The following MED23 variants were observed in gnomAD, a reference collection of about 807,000 sequenced individuals.
The protein encoded by MED23 is mediator complex subunit 23, also known as mediator of RNA polymerase II transcription subunit 23.
In MED23, 105 loss-of-function variants were observed where a neutral mutation model predicts 163.9. The observed-to-expected ratio is 0.64, with a 90% CI of 0.55 to 0.75. The LOEUF (loss-of-function observed/expected upper bound fraction) is 0.75. Ranked by LOEUF, MED23 falls within the 30% of genes least tolerant of loss-of-function variation. The pLI, the probability that MED23 is intolerant of heterozygous loss-of-function variation, is 0.00. For missense variants in MED23, 1,054 were observed against 1,649.0 expected (o/e 0.64, Z 6.25); for synonymous variants, 561 against 565.6 (o/e 0.99, Z 0.12).
chr6:131,606,347 C>A (rs1775854329), intron 13 of MED23, 132 bp downstream of exon 13: 3 of 821,550 alleles, frequency 3.7e-6, no homozygotes, highest in Non-Finnish European at 4.0e-6. Context: ...ACATATACAT[C>A]AAGTATTTGC....
chr6:131,597,548 A>T (rs144964276), intron 20 of MED23, among the ~76,000 whole-genome samples: 3 of 152,100 alleles, frequency 2.0e-5, no homozygotes, highest in African/African-American at 7.2e-5. Context: ...AGAAGAAAAA[A>T]ACATTTGGGG....
intron 10 of MED23, among the ~76,000 whole-genome samples, chr6:131,614,230 A>G (rs1414335754): frequency 2.6e-5 from 4 of 152,200 alleles, no homozygotes; most frequent in Admixed American, 6.5e-5. Context: ...AATTTTTCAG[A>G]AGAAAAAACT....
Position 131,574,412 on chromosome 6 carries a change from A to G in MED23, c.4096-117T>C, listed in dbSNP as rs374041148. On this transcript the variant is annotated intron_variant, in intron 30 of 30. Coordinates refer to the MED23 transcript ENST00000354577. ...CCAAAAGTCTCTCCCAAACACAGGG[A>G]CATTTTGCTGACACAGAAATGTTCC... 53 of 1,162,688 alleles carry G rather than the reference A, an allele frequency of 4.6e-5. No individual in the cohort carries two copies. The East Asian group carries it at 6.6e-4, about 14-fold the overall frequency. The allele number at this position is 1,162,688 out of a possible 1,614,324, so 72.0% of individuals were successfully genotyped here.
intron 18 of MED23, among the ~76,000 whole-genome samples, 173 bp downstream of exon 18, chr6:131,599,865 T>C (rs1050762585): frequency 2.0e-5 from 3 of 152,058 alleles, no homozygotes; most frequent in African/African-American, 7.2e-5. Flanking sequence ...TGCCTCAGCC[T>C]CTCAAGCAGT....
chr6:131,588,316 G>T (rs995015968), intron 28 of MED23, among the ~76,000 whole-genome samples: 1 of 151,946 alleles, frequency 6.6e-6, no homozygotes, highest in Non-Finnish European at 1.5e-5. Flanking sequence ...AAACTATTTT[G>T]GTTTTGATTT....
At chr6:131,616,567 C>T (rs1015436084) in intron 9 of MED23, among the ~76,000 whole-genome samples, 2 of 152,000 alleles carry the variant, frequency 1.3e-5, no homozygotes, top group East Asian at 3.9e-4. Flanking sequence ...GCCTGTAATC[C>T]CAGCACTTTG....
intron 14 of MED23, among the ~76,000 whole-genome samples, 173 bp downstream of exon 14, chr6:131,605,067 C>A (rs139282300): frequency 1.6e-4 from 25 of 152,190 alleles, no homozygotes; most frequent in African/African-American, 5.5e-4. Flanking sequence ...GTTTGTTTAT[C>A]CTAGAATTCC....
chr6:131,628,090 C>G lies in MED23; in HGVS notation c.-41G>C, dbSNP rs749606684. ...CGCCTTTCCAGGGTGCCCGGCAAGG[C>G]CCGGATCAGACTCGAGCTCTGGGAA... On this transcript the variant is annotated 5_prime_UTR_variant, in exon 1 of 29. Transcript: ENST00000368068. The G allele has an allele frequency of 1.2e-6, 2 of 1,611,862 alleles. No homozygotes were observed. The highest frequency in any genetic ancestry group is 1.7e-6 in the Non-Finnish European group (2 of 1,178,566).
Position 131,606,602 on chromosome 6 carries a change from T to C in MED23, c.1244A>G (p.Asn415Ser). The change falls in exon 13 of 29, where the codon AAC becomes AGC. Residue 415 changes from asparagine (N) to serine (S), a missense_variant. Coordinates refer to ENST00000368068, the MANE Select transcript of MED23 (RefSeq NM_004830.4). ...AAAGGCATGGGTTGACTGGGGTTTG[T>C]TAATATCAGGAACTGGGATATACTG... ...EKEYIPVPDI[N>S]KPQSTHAFAM... The C allele has an allele frequency of 6.2e-7, 1 of 1,612,184 alleles. No homozygotes were observed.
downstream of MED23, chr6:131,586,731 G>C: frequency 7.0e-7 from 1 of 1,435,462 alleles, no homozygotes; most frequent in South Asian, 1.2e-5. Context: ...TTCCAATGGA[G>C]TCGGGAAACA....
rs10484766 is a variant in MED23, at chr6:131,578,846, C to T, written c.4096-4551G>A. ...CCAAACCAGAAGATTATCACTGTTA[C>T]ATTTTGGTGTCTAGTTTAACTGGAT... On this transcript the variant is annotated intron_variant, in intron 30 of 30. Transcript: ENST00000354577. Among the ~76,000 whole-genome samples the T allele has an allele frequency of 0.031, 4,779 of 152,176 alleles. 262 individuals are homozygous for T. Among genetic ancestry groups the T allele is most frequent in the African/African-American group, 0.11 (4,491 of 41,486 alleles).
In MED23 at chr6:131,581,338, G is replaced by A. The variant is rs767219084; in HGVS notation, c.4095+6371C>T. 1.2e-6 allele frequency: 2 copies of A among 1,613,820 alleles called. No individual in the cohort carries two copies. Among genetic ancestry groups the A allele is most frequent in the Admixed American group, 1.7e-5 (1 of 59,992 alleles). ...ACAACCACAAGTGGAAACTTGCATG[G>A]ACAACCTGTATCTTTCCTCCTGAAG... On this transcript the variant is annotated intron_variant, in intron 30 of 30. Transcript: ENST00000354577.
downstream of MED23, chr6:131,583,093 T>C (rs149496218): frequency 3.7e-4 from 605 of 1,613,922 alleles, 8 homozygotes; most frequent in East Asian, 0.012. Context: ...TTAAATACTT[T>C]TCAATGACTG....
rs1340161680 is a variant in MED23 at position 131,574,266 on chromosome 6, G to A, written c.*27C>T. 2.5e-6 allele frequency: 4 copies of A among 1,613,868 alleles called. No homozygotes were observed. The South Asian group carries it at 4.4e-5, about 18-fold the overall frequency. Reference sequence around the variant, plus strand: ...GCAGCGTTTTGCTTCCTCTTAATTTGGAACCCTTGCTGTGTACTCTGACTT... The same window carrying A: ...GCAGCGTTTTGCTTCCTCTTAATTTAGAACCCTTGCTGTGTACTCTGACTT... On this transcript the variant is annotated 3_prime_UTR_variant, in exon 31 of 31. Transcript: ENST00000354577.
downstream of MED23, chr6:131,582,483 G>A: frequency 1.4e-6 from 1 of 727,948 alleles, no homozygotes; most frequent in Non-Finnish European, 2.3e-6. Flanking sequence ...TCTTAATTGT[G>A]TATTATTTTT....
downstream of MED23, among the ~76,000 whole-genome samples, chr6:131,586,233 T>C (rs531069126): frequency 6.6e-6 from 1 of 151,998 alleles, no homozygotes; most frequent in South Asian, 2.1e-4. Context: ...TCTCTACTAA[T>C]ACTAAAAATA....
chr6:131,583,647 T>C, downstream of MED23: 1 of 1,525,128 alleles, frequency 6.6e-7, no homozygotes, highest in Non-Finnish European at 9.0e-7. Flanking sequence ...GGTTACTACC[T>C]TTTTCTGTTA....
At chr6:131,616,930 A>G (rs1441236919) in intron 9 of MED23, among the ~76,000 whole-genome samples, 2 of 152,190 alleles carry the variant, frequency 1.3e-5, no homozygotes, top group Admixed American at 1.3e-4. Flanking sequence ...TGTCTTGAAT[A>G]TAGACCAATC....
rs931152858 is a variant in MED23 at position 131,610,328 on chromosome 6, A to C, written c.877-82T>G. 3 of 1,339,046 alleles carry C rather than the reference A, an allele frequency of 2.2e-6. No homozygotes were observed. The African/African-American group carries it at 4.3e-5, about 19-fold the overall frequency. The allele number at this position is 1,339,046 out of a possible 1,614,324, so 82.9% of individuals were successfully genotyped here. The stretch of plus-strand genomic sequence containing the variant: ...TTACCAGTTAATGGGCATTAATTGT[A>C]ACAAGAGGCTGAGAAGCACGGAATG... On this transcript the variant is annotated intron_variant, in intron 10 of 28. Transcript: ENST00000368068.
Sources: allele counts gnomAD v4.1 joint callset (sites outside exome capture counted in the v4.1 genomes callset), GRCh38; gene constraint gnomAD v4.1.1; transcripts MANE v1.5; gene names NCBI Gene and HGNC (gene_info 2026-07-23, HGNC 2026-07-21).